The following PTPRT variants were observed in gnomAD, a reference collection of about 807,000 sequenced individuals.
PTPRT encodes receptor-type tyrosine-protein phosphatase T.
In PTPRT, 56 loss-of-function variants were observed where a neutral mutation model predicts 176.8. That is an observed-to-expected ratio of 0.32 (90% CI 0.26 to 0.40). PTPRT has a LOEUF of 0.40. Among genes scored for constraint, PTPRT ranks in the 10% least tolerant of loss-of-function variants. The probability of loss-of-function intolerance (pLI) is 1.00; values close to 1 mark genes in which losing one functional copy is unlikely to be tolerated. For synonymous variants in PTPRT, 783 were observed against 739.0 expected (o/e 1.06, Z -0.96); for missense variants, 1,540 against 1,908.2 (o/e 0.81, Z 3.60).
intron 6 of PTPRT, among the ~76,000 whole-genome samples, chr20:42,745,250 C>A (rs559574984): frequency 1.3e-5 from 2 of 152,196 alleles, no homozygotes; most frequent in Non-Finnish European, 2.9e-5. Context: ...CATACAGCTC[C>A]ATTGGCCAGA....
chr20:42,902,789 A>G (rs2079423399), intron 1 of PTPRT, among the ~76,000 whole-genome samples: 1 of 152,198 alleles, frequency 6.6e-6, no homozygotes, highest in Non-Finnish European at 1.5e-5. Flanking sequence ...ACTTGATCCC[A>G]AAGCACAAAC....
chr20:42,223,220 G>T (rs2055926248), intron 15 of PTPRT, among the ~76,000 whole-genome samples: 1 of 152,114 alleles, frequency 6.6e-6, no homozygotes, highest in South Asian at 2.1e-4. Context: ...TAACTACAAG[G>T]TACTGAGCAC....
At chr20:42,384,741 T>A (rs2058728484) in intron 9 of PTPRT, among the ~76,000 whole-genome samples, 1 of 152,194 alleles carries the variant, frequency 6.6e-6, no homozygotes, top group African/African-American at 2.4e-5. Flanking sequence ...GTTTTCCACA[T>A]CCTTACCAAC....
intron 15 of PTPRT, among the ~76,000 whole-genome samples, chr20:42,206,466 T>C (rs914921500): frequency 3.9e-5 from 6 of 152,192 alleles, no homozygotes; most frequent in Non-Finnish European, 5.9e-5. Flanking sequence ...ATTGCCTCAC[T>C]TGGGAAGCGC....
At chr20:42,230,304 G>T (rs1257862735) in intron 15 of PTPRT, among the ~76,000 whole-genome samples, 1 of 152,198 alleles carries the variant, frequency 6.6e-6, no homozygotes, top group Non-Finnish European at 1.5e-5. Context: ...AAGGCTAAGT[G>T]AAGTAGTTAC....
chr20:42,464,285 C>G (rs990311082), intron 8 of PTPRT, among the ~76,000 whole-genome samples: 4 of 152,164 alleles, frequency 2.6e-5, no homozygotes, highest in African/African-American at 9.7e-5. Context: ...TATGGATTAC[C>G]AGAGTGAACA....
At chr20:42,821,636 C>A (rs915041079) in intron 2 of PTPRT, among the ~76,000 whole-genome samples, 2 of 152,010 alleles carry the variant, frequency 1.3e-5, no homozygotes, top group African/African-American at 4.8e-5. Flanking sequence ...TGTTTGCAGA[C>A]AACATGATTT....
intron 7 of PTPRT, among the ~76,000 whole-genome samples, chr20:42,561,682 C>T (rs936252308): frequency 3.9e-5 from 6 of 152,182 alleles, no homozygotes; most frequent in African/African-American, 1.4e-4. Context: ...ATGCTGCTTG[C>T]CTTTGCCAAG....
rs1987987650 is a variant in PTPRT, at chr20:42,128,845, G to T, written c.2771-15C>A. The T allele has an allele frequency of 2.5e-6, 4 of 1,594,390 alleles. No individual in the cohort carries two copies. Among genetic ancestry groups the T allele is most frequent in the Non-Finnish European group, 3.4e-6 (4 of 1,169,788 alleles). On this transcript the variant is annotated splice_polypyrimidine_tract_variant and intron_variant, in intron 18 of 30. Transcript: ENST00000373187. ...GGAATGGTCGTCTGCAGAGAGAGCA[G>T]AAATCAAGGGGATGGTTGATAAGAG...
rs76504218 is a variant in PTPRT at position 43,089,539 on chromosome 20, G to A, written c.88+100107C>T. Reference sequence around the variant, plus strand: ...CTGATATCCCAGTAAATAACTACAAGTGAGACAATATCATAAAATCACTGT... The same window carrying A: ...CTGATATCCCAGTAAATAACTACAAATGAGACAATATCATAAAATCACTGT... On this transcript the variant is annotated intron_variant, in intron 1 of 30. Transcript: ENST00000373187. Among the ~76,000 whole-genome samples, 258 of 152,306 alleles carry A rather than the reference G, an allele frequency of 1.7e-3. 2 individuals are homozygous for A. Among genetic ancestry groups the A allele is most frequent in the African/African-American group, 5.8e-3 (242 of 41,556 alleles).
At chr20:42,652,499 T>C (rs912290156) in intron 7 of PTPRT, among the ~76,000 whole-genome samples, 5 of 152,178 alleles carry the variant, frequency 3.3e-5, no homozygotes, top group African/African-American at 7.2e-5. Context: ...TCTGGATTCT[T>C]TCTGCCACTG....
At chr20:42,500,917 A>G (rs1467067719) in intron 7 of PTPRT, among the ~76,000 whole-genome samples, 2 of 152,124 alleles carry the variant, frequency 1.3e-5, no homozygotes, top group African/African-American at 4.8e-5. Flanking sequence ...TAGTCTCTCA[A>G]TGAACCCAAA....
intron 2 of PTPRT, among the ~76,000 whole-genome samples, chr20:42,860,617 T>G (rs2078644493): frequency 6.6e-6 from 1 of 152,198 alleles, no homozygotes; most frequent in Non-Finnish European, 1.5e-5. Flanking sequence ...TTCCTCAGGC[T>G]TTTATATTTG....
intron 18 of PTPRT, 132 bp from the exon 19 acceptor site, chr20:42,128,962 A>G: frequency 1.7e-6 from 1 of 572,196 alleles, no homozygotes; most frequent in Non-Finnish European, 2.7e-6. Flanking sequence ...TCTCAACACC[A>G]CCCTCAGTTA....
At chr20:42,457,388 T>C (rs542198324) in intron 8 of PTPRT, among the ~76,000 whole-genome samples, 2 of 152,310 alleles carry the variant, frequency 1.3e-5, no homozygotes, top group South Asian at 2.1e-4. Flanking sequence ...GCGTATTAGT[T>C]TTTTTGTTTT....
intron 7 of PTPRT, among the ~76,000 whole-genome samples, chr20:42,569,744 A>G (rs2145682934): frequency 6.6e-6 from 1 of 152,334 alleles, no homozygotes; most frequent in Non-Finnish European, 1.5e-5. Context: ...TGATTCTTTC[A>G]CACAAGATCA....
chr20:42,457,236 T>G (rs573477300), intron 8 of PTPRT, among the ~76,000 whole-genome samples: 211 of 152,322 alleles, frequency 1.4e-3, no homozygotes, highest in African/African-American at 4.8e-3. Flanking sequence ...ATAGAGTTTA[T>G]CATCAAATAA....
At chr20:42,918,028 C>T (rs1328181150) in intron 1 of PTPRT, among the ~76,000 whole-genome samples, 1 of 152,072 alleles carries the variant, frequency 6.6e-6, no homozygotes, top group Non-Finnish European at 1.5e-5. Context: ...CACTTTTGCC[C>T]ACCTGAGCTC....
chr20:43,037,177 T>C (rs918489051), intron 1 of PTPRT, among the ~76,000 whole-genome samples: 5 of 152,238 alleles, frequency 3.3e-5, no homozygotes, highest in African/African-American at 1.2e-4. Context: ...TTTAGCTCCC[T>C]GTAAAGGAGA....
Sources: gnomAD v4.1 joint callset for allele counts (sites outside exome capture counted in the v4.1 genomes callset) on GRCh38, gnomAD v4.1.1 for gene constraint, MANE v1.5 for transcripts, NCBI Gene and HGNC (gene_info 2026-07-23, HGNC 2026-07-21) for gene names.